The following KLHL13 variants were observed in gnomAD, a reference collection of about 807,000 sequenced individuals.
KLHL13 encodes kelch like family member 13, also known as kelch-like protein 13.
KLHL13 carries 10 observed loss-of-function variants against 37.1 expected under a neutral mutation model. The observed-to-expected ratio is 0.27, with a 90% confidence interval of 0.17 to 0.46. KLHL13 has a LOEUF of 0.46. KLHL13 is among the 20% of genes least tolerant of loss of function. The probability of loss-of-function intolerance (pLI) is 1.00; values close to 1 mark genes in which losing one functional copy is unlikely to be tolerated. For synonymous variants in KLHL13, 163 were observed against 181.2 expected, an observed-to-expected ratio of 0.90 and a Z score of 0.81; for missense variants, 360 against 509.3, an observed-to-expected ratio of 0.71 and a Z score of 2.82.
chrX:117,926,775 C>A (rs1018427315), intron 2 of KLHL13, among the ~76,000 whole-genome samples: 10 of 108,650 alleles, frequency 9.2e-5, no homozygotes, highest in Non-Finnish European at 1.9e-4. Context: ...TCACCCCACC[C>A]CCTATCTTAT....
Position 117,923,498 on chromosome X carries a change from G to A in KLHL13, c.241-3128C>T, listed in dbSNP as rs1483613975. Reference sequence around the variant, plus strand: ...TTATTCAAAAGCAATGATTGTATCTGATCCATTATTTTCTTCCACTAAAGA... The same window carrying A: ...TTATTCAAAAGCAATGATTGTATCTAATCCATTATTTTCTTCCACTAAAGA... On this transcript the variant is annotated intron_variant, in intron 2 of 6. Coordinates refer to ENST00000262820, the Ensembl canonical transcript of KLHL13. Among the ~76,000 whole-genome samples the A allele has an allele frequency of 2.7e-5, 3 of 111,867 alleles. No homozygotes were observed. The Admixed American group carries it at 2.8e-4, about 11-fold the overall frequency.
chrX:118,064,652 T>C (rs956913303), intron 1 of KLHL13, among the ~76,000 whole-genome samples: 6 of 111,831 alleles, frequency 5.4e-5, no homozygotes, highest in African/African-American at 1.9e-4. Context: ...TTCTGTATAG[T>C]CCTACTTATA....
exon 4 of KLHL13, chrX:117,919,693 A>G (rs1279496760): frequency 1.7e-6 from 2 of 1,196,104 alleles, no homozygotes; most frequent in African/African-American, 1.8e-5. Flanking sequence ...TTTAATGCAC[A>G]TTAAATCTTG....
chrX:118,064,511 C>T (rs2054775796), intron 1 of KLHL13, among the ~76,000 whole-genome samples: 1 of 111,508 alleles, frequency 9.0e-6, no homozygotes, highest in Non-Finnish European at 1.9e-5. Flanking sequence ...CTAAAAAATC[C>T]ATGTGCTTAA....
At chrX:118,047,340 A>G (rs1039854020) in intron 1 of KLHL13, among the ~76,000 whole-genome samples, 1 of 112,263 alleles carries the variant, frequency 8.9e-6, no homozygotes, top group African/African-American at 3.2e-5. Context: ...CAATCTGATC[A>G]TAGAAAAAAA....
intron 1 of KLHL13, among the ~76,000 whole-genome samples, chrX:117,992,328 C>G (rs1409045932): frequency 2.7e-5 from 3 of 110,558 alleles, no homozygotes; most frequent in African/African-American, 9.9e-5. Context: ...TCCATCGCAC[C>G]TTTCCTGACT....
At chrX:118,046,709 C>A (rs1304068688) in intron 1 of KLHL13, among the ~76,000 whole-genome samples, 1 of 110,687 alleles carries the variant, frequency 9.0e-6, no homozygotes, top group African/African-American at 3.3e-5. Context: ...AAATAAAAAG[C>A]AGAAAAAGAA....
At chrX:117,907,858 T>C (rs1455596185) in intron 5 of KLHL13, among the ~76,000 whole-genome samples, 1 of 110,583 alleles carries the variant, frequency 9.0e-6, no homozygotes, top group Non-Finnish European at 1.9e-5. Flanking sequence ...CAAGAAAGGG[T>C]TTTATAAACA....
chrX:118,079,891 G>T (rs952329951), intron 1 of KLHL13, among the ~76,000 whole-genome samples: 6 of 111,234 alleles, frequency 5.4e-5, no homozygotes, highest in African/African-American at 1.6e-4. Flanking sequence ...ATACTATAAG[G>T]TTACATAACC....
intron 1 of KLHL13, among the ~76,000 whole-genome samples, chrX:117,963,545 T>C (rs2053343584): frequency 9.2e-6 from 1 of 108,386 alleles, no homozygotes; most frequent in South Asian, 4.2e-4. Context: ...CATGTGTCTT[T>C]ATAGCAGCAT....
At chrX:117,996,333 A>C (rs2053853274) in intron 1 of KLHL13, among the ~76,000 whole-genome samples, 1 of 111,834 alleles carries the variant, frequency 8.9e-6, no homozygotes. Flanking sequence ...AGTTTGTCTA[A>C]AGCTACATGA....
At chrX:117,969,484 C>CT (rs2053488014) in intron 1 of KLHL13, among the ~76,000 whole-genome samples, 1 of 111,600 alleles carries the variant, frequency 9.0e-6, no homozygotes, top group Non-Finnish European at 1.9e-5. Flanking sequence ...AGAGTCTTTA[C>CT]TAATGCAGTT....
At position 117,901,981 on chromosome X, in the gene KLHL13, A is replaced by T. The variant is rs192834751; in HGVS notation, c.1367-35T>A. On this transcript the variant is annotated intron_variant, in intron 5 of 6. Transcript: ENST00000262820. ...AAAAAAAGAAAAGAAAATTATTTTT[A>T]ACTTCAAATTTAGCAATTAATTATT... 0.01 allele frequency: 7,954 copies of T among 767,949 alleles called. 389 individuals carry two copies. In the African/African-American group the frequency reaches 0.15, roughly 14 times the overall value. The allele number at this position is 767,949 out of a possible 1,213,427, so 63.3% of individuals were successfully genotyped here. A position where few individuals can be genotyped will look rare whatever the true frequency, so the allele number is the denominator to read the frequency against.
At chrX:117,950,410 T>A (rs1176246709) in intron 1 of KLHL13, among the ~76,000 whole-genome samples, 1 of 111,406 alleles carries the variant, frequency 9.0e-6, no homozygotes, top group African/African-American at 3.3e-5. Flanking sequence ...GAGGGTGCAG[T>A]GAGCCGAGAC....
At position 118,051,640 on chromosome X, in the gene KLHL13, C is replaced by T. The variant is rs1204589582; in HGVS notation, c.-56+64868G>A. 8.1e-5 allele frequency among the ~76,000 whole-genome samples: 9 copies of T among 110,819 alleles called. 1 individual carries two copies. The highest frequency in any genetic ancestry group is 5.6e-4 in the East Asian group (2 of 3,564). On this transcript the variant is annotated intron_variant, in intron 1 of 6. Coordinates refer to the KLHL13 transcript ENST00000371882. ...GAATAAATGGAAACACACACACTCA[C>T]GCGCACATACACACACACACACACC... is the stretch of plus-strand genomic sequence containing the variant.
At chrX:118,012,239 C>T (rs1194865333) in intron 1 of KLHL13, among the ~76,000 whole-genome samples, 2 of 112,101 alleles carry the variant, frequency 1.8e-5, no homozygotes, top group African/African-American at 6.5e-5. Context: ...GAAAATAAGG[C>T]ATACTAACTT....
At position 117,953,955 on chromosome X, in the gene KLHL13, C is replaced by A. The variant is rs144920693; in HGVS notation, c.99-8380G>T. Among the ~76,000 whole-genome samples the A allele has an allele frequency of 1.1e-4, 12 of 111,501 alleles. No homozygotes were observed. The East Asian group carries it at 3.4e-3, about 31-fold the overall frequency. ...GGAGGTAGTAAATCCTAGAAAATAA[C>A]TCAGATGAAATTTGGGGAGAATTTC... On this transcript the variant is annotated intron_variant, in intron 1 of 6. Coordinates refer to ENST00000262820, the Ensembl canonical transcript of KLHL13.
At chrX:118,070,380 T>G (rs1416492998) in intron 1 of KLHL13, among the ~76,000 whole-genome samples, 1 of 112,462 alleles carries the variant, frequency 8.9e-6, no homozygotes, top group Non-Finnish European at 1.9e-5. Context: ...TGTTTAAAAA[T>G]GTTTTTCAAT....
chrX:118,028,949 C>T (rs1358656318), intron 1 of KLHL13, among the ~76,000 whole-genome samples: 1 of 111,871 alleles, frequency 8.9e-6, no homozygotes, highest in African/African-American at 3.2e-5. Context: ...GGATGTAAAT[C>T]ATCCTTTTGT....
Sources: allele counts gnomAD v4.1 joint callset (sites outside exome capture counted in the v4.1 genomes callset), GRCh38; gene constraint gnomAD v4.1.1; transcripts MANE v1.5; gene names NCBI Gene and HGNC (gene_info 2026-07-23, HGNC 2026-07-21).